The following VCL variants were observed in gnomAD, a reference collection of about 807,000 sequenced individuals.
The protein encoded by VCL is vinculin, also known as epididymis luminal protein 114.
VCL carries 47 observed loss-of-function variants against 125.7 expected under a neutral mutation model. The observed-to-expected ratio is 0.37, with a 90% CI of 0.30 to 0.48. VCL has a LOEUF of 0.48. Among genes scored for constraint, VCL ranks in the 20% least tolerant of loss-of-function variants. The pLI, the probability that VCL is intolerant of heterozygous loss-of-function variation, is 0.99. For missense variants in VCL, 1,069 were observed against 1,455.5 expected, an observed-to-expected ratio of 0.73 and a Z score of 4.32; for synonymous variants, 458 against 514.6, an observed-to-expected ratio of 0.89 and a Z score of 1.49.
At position 74,114,282 on chromosome 10, in the gene VCL, TCAGTGTGCCAAGGACATCG is replaced by T; in HGVS notation, c.3050_3068del (p.Gln1017ProfsTer7). 1 of 1,614,120 alleles carries T rather than the reference TCAGTGTGCCAAGGACATCG, an allele frequency of 6.2e-7. No individual in the cohort carries two copies. On this transcript the variant is annotated frameshift_variant, in exon 20 of 22. Coordinates refer to ENST00000211998, the MANE Select transcript of VCL (RefSeq NM_014000.3). LOFTEE classifies it high-confidence loss of function. ...GCAGTGGTACCAAGCGGGCACTCAT[TCAGTGTGCCAAGGACATCG>T]CCAAGGCCTCAGATGAGGTGACTCG...
intron 8 of VCL, among the ~76,000 whole-genome samples, chr10:74,086,570 C>T (rs866772644): frequency 6.6e-6 from 1 of 152,204 alleles, no homozygotes; most frequent in Non-Finnish European, 1.5e-5. Flanking sequence ...TGTCTTTTGT[C>T]TGCAACCTTT....
At chr10:74,083,970 C>T (rs560302718) in intron 8 of VCL, among the ~76,000 whole-genome samples, 90 of 151,684 alleles carry the variant, frequency 5.9e-4, no homozygotes, top group Non-Finnish European at 1.1e-3. Context: ...GTGGTTCAAG[C>T]AGTTCTCTGC....
chr10:74,054,237 C>A (rs1257324954), intron 2 of VCL, among the ~76,000 whole-genome samples: 1 of 152,146 alleles, frequency 6.6e-6, no homozygotes, highest in African/African-American at 2.4e-5. Context: ...TGTTAAAAAT[C>A]TCCTATACTA....
chr10:74,103,383 C>T (rs1224220498), intron 14 of VCL, among the ~76,000 whole-genome samples: 2 of 152,148 alleles, frequency 1.3e-5, no homozygotes, highest in Non-Finnish European at 2.9e-5. Flanking sequence ...TTTTGCATCT[C>T]TAAAGTAGAG....
chr10:74,009,031 A>G (rs1244648074), intron 1 of VCL, among the ~76,000 whole-genome samples: 3 of 152,216 alleles, frequency 2.0e-5, no homozygotes, highest in African/African-American at 7.2e-5. Flanking sequence ...CAAGTCTGTA[A>G]TAAGACTGAA....
chr10:74,086,964 A>G (rs1192615421), intron 8 of VCL, among the ~76,000 whole-genome samples: 1 of 152,218 alleles, frequency 6.6e-6, no homozygotes, highest in Admixed American at 6.5e-5. Context: ...TTTGAATGAA[A>G]AAACTGTGTA....
rs60317251 is a variant in VCL at position 74,068,802 on chromosome 10, T to G, written c.240-1868T>G. Among the ~76,000 whole-genome samples, 164 of 152,232 alleles carry G rather than the reference T, an allele frequency of 1.1e-3. 5 individuals carry two copies. In the East Asian group the frequency reaches 0.031, roughly 29 times the overall value. The stretch of plus-strand genomic sequence containing the variant: ...GAGGAAATACAACATTGGAGGAAAC[T>G]CAGTATTGGTTGCAAGTGGGATGGA... On this transcript the variant is annotated intron_variant, in intron 2 of 21. Transcript: ENST00000211998.
In VCL at chr10:74,018,177, GATAT is replaced by G. The variant is rs72407698; in HGVS notation, c.168+19824_168+19827del. Among the ~76,000 whole-genome samples the G allele has an allele frequency of 9.5e-4, 78 of 81,872 alleles. 3 individuals are homozygous for G. In the Middle Eastern group the frequency reaches 0.02, roughly 21 times the overall value. 53.7% of individuals were successfully genotyped at this position (81,872 alleles called of 152,430 possible). On this transcript the variant is annotated intron_variant, in intron 1 of 21. Transcript: ENST00000211998. ...TGGTAAAATGTGAGGATATATATAGGATATATATATATATATATATATATAAATA... is the reference window on the plus strand; with the variant it reads ...TGGTAAAATGTGAGGATATATATAGGATATATATATATATATATATAAATA...
chr10:74,028,033 G>T (rs899853409), intron 1 of VCL: 2 of 152,086 alleles, frequency 1.3e-5, no homozygotes, highest in African/African-American at 4.8e-5. Flanking sequence ...ATATGTAAAG[G>T]TTACTTAATT....
At chr10:74,093,031 T>G (rs1016536510) in intron 10 of VCL, among the ~76,000 whole-genome samples, 1 of 152,206 alleles carries the variant, frequency 6.6e-6, no homozygotes, top group South Asian at 2.1e-4. Flanking sequence ...GCACGGTGGC[T>G]CACGCCTGTA....
intron 1 of VCL, among the ~76,000 whole-genome samples, chr10:74,005,985 AAG>A (rs1296461649): frequency 1.3e-5 from 2 of 151,996 alleles, no homozygotes; most frequent in Admixed American, 1.3e-4. Flanking sequence ...TCCCAGATTC[AAG>A]AGATTCTCCC....
intron 2 of VCL, among the ~76,000 whole-genome samples, chr10:74,057,049 A>G (rs1213979080): frequency 1.3e-5 from 2 of 151,958 alleles, no homozygotes; most frequent in East Asian, 1.9e-4. Flanking sequence ...GGATCAAACA[A>G]TTCTCCCCTC....
At chr10:74,045,242 G>T (rs532223051) in intron 2 of VCL, among the ~76,000 whole-genome samples, 1 of 150,338 alleles carries the variant, frequency 6.7e-6, no homozygotes, top group Non-Finnish European at 1.5e-5. Context: ...TGAGGGAAAT[G>T]AAAAACAGAG....
At chr10:74,039,155 G>A (rs1841043704) in intron 1 of VCL, among the ~76,000 whole-genome samples, 1 of 152,016 alleles carries the variant, frequency 6.6e-6, no homozygotes, top group Non-Finnish European at 1.5e-5. Flanking sequence ...CAGGTGATCT[G>A]CTCTCCTCGG....
intron 8 of VCL, 87 bp downstream of exon 8, chr10:74,083,600 A>C (rs1168444652): frequency 6.5e-7 from 1 of 1,535,612 alleles, no homozygotes; most frequent in East Asian, 2.4e-5. Context: ...GCCAGTTTTG[A>C]GTTATCTCTT....
rs1461179367 is a variant in VCL at position 74,094,335 on chromosome 10, C to G, written c.1417C>G (p.Leu473Val). Reference sequence around the variant, plus strand: ...ACAGGTGGCCACGGCCCTGCAGAACCTGCAGACCAAAACCAACCGGGCTGT... The same window carrying G: ...ACAGGTGGCCACGGCCCTGCAGAACGTGCAGACCAAAACCAACCGGGCTGT... ...AKQVATALQN[L>V]QTKTNRAVAN... Residue 473 changes from leucine (L) to valine (V), a missense_variant, in exon 11 of 22, where the codon CTG becomes GTG. Leu to Val is a conservative substitution (Grantham distance 32, BLOSUM62 1). Transcript: ENST00000211998. 1.9e-6 allele frequency: 3 copies of G among 1,614,186 alleles called. No homozygotes were observed. Among genetic ancestry groups the G allele is most frequent in the African/African-American group, 1.3e-5 (1 of 75,046 alleles).
chr10:74,049,850 T>C (rs138160093), intron 2 of VCL, among the ~76,000 whole-genome samples: 127 of 152,344 alleles, frequency 8.3e-4, no homozygotes, highest in African/African-American at 2.9e-3. Flanking sequence ...ATAAGCTAGA[T>C]GTCAAACTGA....
rs575872478 is a variant in VCL at position 74,087,260 on chromosome 10, C to A, written c.1023-1936C>A. ...TATACCCGGCAATAAATGAATGATT[C>A]ATTACCTCAAGTTTTGGTATAGATG... is the stretch of plus-strand genomic sequence containing the variant. On this transcript the variant is annotated intron_variant, in intron 8 of 21. Transcript: ENST00000211998. 6.6e-5 allele frequency among the ~76,000 whole-genome samples: 10 copies of A among 150,648 alleles called. No homozygotes were observed. In the East Asian group the frequency reaches 1.7e-3, roughly 26 times the overall value.
intron 13 of VCL, among the ~76,000 whole-genome samples, chr10:74,098,872 C>A (rs1051870151): frequency 6.6e-6 from 1 of 152,130 alleles, no homozygotes; most frequent in Non-Finnish European, 1.5e-5. Flanking sequence ...TGGGCCTCTC[C>A]ACCTACAGTC....
Sources: allele counts gnomAD v4.1 joint callset (sites outside exome capture counted in the v4.1 genomes callset), GRCh38; gene constraint gnomAD v4.1.1; transcripts MANE v1.5; gene names NCBI Gene and HGNC (gene_info 2026-07-23, HGNC 2026-07-21).